HACD2: variants seen among roughly 807,000 people sequenced by gnomAD.
The protein encoded by HACD2 is 3-hydroxyacyl-CoA dehydratase 2.
Under a neutral mutation model 31.0 loss-of-function variants are expected in HACD2, and 15 were observed. The ratio of observed to expected loss-of-function variants is 0.48; its 90% CI spans 0.32 to 0.75. The LOEUF is 0.75. Among genes scored for constraint, HACD2 ranks in the 30% least tolerant of loss-of-function variants. HACD2 has a pLI of 0.03. For synonymous variants in HACD2, 115 were observed against 122.2 expected, an observed-to-expected ratio of 0.94 and a Z score of 0.39; for missense variants, 283 against 313.0, an observed-to-expected ratio of 0.90 and a Z score of 0.72.
intron 4 of HACD2, among the ~76,000 whole-genome samples, chr3:123,514,231 C>T (rs1032762166): frequency 1.3e-5 from 2 of 151,964 alleles, no homozygotes; most frequent in African/African-American, 2.4e-5. Context: ...GCCAAGATCT[C>T]GCCATTGCAC....
intron 2 of HACD2, among the ~76,000 whole-genome samples, chr3:123,570,074 C>T (rs982010922): frequency 6.6e-5 from 9 of 135,564 alleles, no homozygotes; most frequent in African/African-American, 2.2e-4. Context: ...CAGGAGAGGA[C>T]ACACAGCAAT....
chr3:123,514,511 T>C (rs766854166), intron 4 of HACD2, among the ~76,000 whole-genome samples: 5 of 152,050 alleles, frequency 3.3e-5, no homozygotes, highest in Non-Finnish European at 4.4e-5. Context: ...TCTAAACATA[T>C]TATTTTGGGT....
At chr3:123,545,998 A>C (rs1450669940) in intron 3 of HACD2, among the ~76,000 whole-genome samples, 1 of 152,114 alleles carries the variant, frequency 6.6e-6, no homozygotes, top group Non-Finnish European at 1.5e-5. Flanking sequence ...AGAATGAACC[A>C]CCGTGCCTGG....
At chr3:123,549,152 A>G (rs575562004) in intron 3 of HACD2, among the ~76,000 whole-genome samples, 2 of 152,030 alleles carry the variant, frequency 1.3e-5, no homozygotes, top group East Asian at 3.9e-4. Flanking sequence ...AGGTTAAAAG[A>G]TTATTCCTGC....
chr3:123,547,739 G>C (rs1214938812), intron 3 of HACD2, among the ~76,000 whole-genome samples: 2 of 152,106 alleles, frequency 1.3e-5, no homozygotes, highest in African/African-American at 4.8e-5. Context: ...AGAAATAAAG[G>C]GAGAAACAAA....
At chr3:123,564,370 C>T (rs1227130586) in intron 3 of HACD2, among the ~76,000 whole-genome samples, 1 of 152,104 alleles carries the variant, frequency 6.6e-6, no homozygotes, top group Non-Finnish European at 1.5e-5. Context: ...TCCAGAAACA[C>T]TCATGATTAA....
At chr3:123,523,039 C>T (rs1490341159) in intron 4 of HACD2, among the ~76,000 whole-genome samples, 1 of 152,148 alleles carries the variant, frequency 6.6e-6, no homozygotes, top group Non-Finnish European at 1.5e-5. Flanking sequence ...CTGGGAAGTC[C>T]ACAACACAGC....
intron 3 of HACD2, among the ~76,000 whole-genome samples, chr3:123,529,765 T>C (rs2056329191): frequency 1.3e-5 from 2 of 152,026 alleles, no homozygotes; most frequent in Admixed American, 1.3e-4. Flanking sequence ...CATAAATAAA[T>C]GTATAAATGA....
chr3:123,573,795 C>G (rs976273790), intron 2 of HACD2, among the ~76,000 whole-genome samples: 1 of 152,142 alleles, frequency 6.6e-6, no homozygotes, highest in African/African-American at 2.4e-5. Flanking sequence ...TTTTTAAGGA[C>G]GAAATAGGTA....
At chr3:123,551,486 A>G (rs2056619766) in intron 3 of HACD2, among the ~76,000 whole-genome samples, 1 of 152,028 alleles carries the variant, frequency 6.6e-6, no homozygotes, top group Non-Finnish European at 1.5e-5. Flanking sequence ...TTAGCCAGGC[A>G]TGGTGGCGAG....
intron 3 of HACD2, among the ~76,000 whole-genome samples, chr3:123,535,789 G>A (rs1233588732): frequency 6.6e-6 from 1 of 152,130 alleles, no homozygotes; most frequent in Admixed American, 6.6e-5. Context: ...CTTCCTTCAG[G>A]GTTGAGGAAT....
At chr3:123,548,703 C>G (rs942683784) in intron 3 of HACD2, among the ~76,000 whole-genome samples, 1 of 151,982 alleles carries the variant, frequency 6.6e-6, no homozygotes, top group African/African-American at 2.4e-5. Flanking sequence ...CTCACTGCAG[C>G]CTCCACCTCC....
intron 2 of HACD2, among the ~76,000 whole-genome samples, chr3:123,573,195 T>TTAA (rs886437346): frequency 3.9e-5 from 6 of 152,226 alleles, no homozygotes; most frequent in Admixed American, 3.3e-4. Flanking sequence ...TGCTTAAAAC[T>TTAA]TAATAATAAT....
intron 2 of HACD2, among the ~76,000 whole-genome samples, chr3:123,573,330 G>C (rs1430106684): frequency 6.6e-6 from 1 of 151,970 alleles, no homozygotes; most frequent in Non-Finnish European, 1.5e-5. Context: ...TTATTACTGG[G>C]GGAAAACACC....
At chr3:123,519,540 G>C (rs1247511369) in intron 4 of HACD2, among the ~76,000 whole-genome samples, 4 of 152,202 alleles carry the variant, frequency 2.6e-5, no homozygotes, top group Non-Finnish European at 5.9e-5. Context: ...TGATCTTTAA[G>C]ATTCCCAAAG....
chr3:123,562,677 C>T (rs991251359), intron 3 of HACD2, among the ~76,000 whole-genome samples: 5 of 152,152 alleles, frequency 3.3e-5, no homozygotes, highest in Admixed American at 6.5e-5. Context: ...TTCTTATCCC[C>T]CTTTTACTGA....
At chr3:123,567,718 A>G (rs2056807294) in intron 3 of HACD2, 44 bp downstream of exon 3, 1 of 1,227,732 alleles carries the variant, frequency 8.1e-7, no homozygotes, top group Middle Eastern at 2.0e-4. Context: ...TTTTTAAATA[A>G]GCAGAATTCA....
chr3:123,535,360 G>T (rs931426917), intron 3 of HACD2, among the ~76,000 whole-genome samples: 2 of 152,136 alleles, frequency 1.3e-5, no homozygotes, highest in Non-Finnish European at 2.9e-5. Context: ...GATAACAAGA[G>T]AAATCAGATC....
chr3:123,527,298 G>A (rs374106474), intron 4 of HACD2, among the ~76,000 whole-genome samples: 1 of 152,214 alleles, frequency 6.6e-6, no homozygotes. Context: ...GTTACACCTG[G>A]TCAACCACAG....
Sources: allele counts gnomAD v4.1 joint callset (sites outside exome capture counted in the v4.1 genomes callset), GRCh38; gene constraint gnomAD v4.1.1; transcripts MANE v1.5; gene names NCBI Gene and HGNC (gene_info 2026-07-23, HGNC 2026-07-21).